The following CFAP161 variants were observed in gnomAD, a reference collection of about 807,000 sequenced individuals.
The protein encoded by CFAP161 is cilia- and flagella-associated protein 161.
CFAP161 carries 25 observed loss-of-function variants against 29.0 expected under a neutral mutation model. The ratio of observed to expected loss-of-function variants is 0.86; its 90% confidence interval spans 0.63 to 1.20. The LOEUF is 1.20. CFAP161 is among the 50% of genes most tolerant of loss of function. CFAP161 has a pLI of 0.00. For missense variants in CFAP161, 367 were observed against 371.9 expected (o/e 0.99, Z 0.11); for synonymous variants, 116 against 137.4 (o/e 0.84, Z 1.09).
intron 1 of CFAP161, among the ~76,000 whole-genome samples, chr15:81,105,138 CCCCTCCCTCCCTCCCT>C (rs1231871114): frequency 3.9e-5 from 1 of 25,882 alleles, no homozygotes; most frequent in South Asian, 1.8e-3. Context: ...TCTCCCCCCT[CCCCTCCCTCCCTCCCT>C]CCCTCCCTTC....
At chr15:81,144,848 G>A (rs947651178) in intron 5 of CFAP161, among the ~76,000 whole-genome samples, 1 of 151,944 alleles carries the variant, frequency 6.6e-6, no homozygotes, top group Non-Finnish European at 1.5e-5. Flanking sequence ...GAGACAGCAG[G>A]GTAGCCACAT....
Position 81,148,710 on chromosome 15 carries a change from G to C in CFAP161, c.*177G>C. 1.9e-6 allele frequency: 1 copy of C among 540,120 alleles called. No homozygotes were observed. Among genetic ancestry groups the C allele is most frequent in the Non-Finnish European group, 3.0e-6 (1 of 333,898 alleles). The allele number at this position is 540,120 out of a possible 1,614,324, so 33.5% of individuals were successfully genotyped here. ...ATTGAATTTGTGGTGGGAGTCTAGG[G>C]CTGAAGAAAAACAGCTCTGGAGAAT... On this transcript the variant is annotated 3_prime_UTR_variant, in exon 7 of 7. Coordinates refer to ENST00000286732, the MANE Select transcript of CFAP161 (RefSeq NM_173528.4).
chr15:81,132,919 A>G (rs1363551528), upstream of CFAP161, among the ~76,000 whole-genome samples: 1 of 152,068 alleles, frequency 6.6e-6, no homozygotes, highest in East Asian at 1.9e-4. Flanking sequence ...TTAGTGGTAT[A>G]CTATCTGATC....
intron 5 of CFAP161, among the ~76,000 whole-genome samples, chr15:81,144,646 G>A (rs922932699): frequency 3.3e-5 from 5 of 151,978 alleles, no homozygotes; most frequent in Non-Finnish European, 7.4e-5. Context: ...TATTAGCCAG[G>A]TGTGGTGGTG....
In CFAP161 at chr15:81,134,363, A is replaced by G. The variant is rs772011865; in HGVS notation, c.34A>G (p.Ile12Val). The stretch of plus-strand genomic sequence containing the variant: ...GAACGTGTATGGTCCGGGAGTCCGG[A>G]TAGGCAACTGGAATGAGGATGTCTA... ...AQNVYGPGVRIGNWNEDVYLE... is the reference protein window; with the variant it reads ...AQNVYGPGVRVGNWNEDVYLE... The change falls in exon 1 of 7, where the codon ATA becomes GTA. Residue 12 changes from isoleucine to valine, a missense_variant. Coordinates refer to ENST00000286732, the MANE Select transcript of CFAP161 (RefSeq NM_173528.4). 13 of 1,591,506 alleles carry G rather than the reference A, an allele frequency of 8.2e-6. No homozygotes were observed. Among genetic ancestry groups the G allele is most frequent in the Admixed American group, 1.8e-5 (1 of 55,314 alleles).
chr15:81,107,668 C>T lies in CFAP161; in HGVS notation c.-141-19922C>T, dbSNP rs568564933. On this transcript the variant is annotated intron_variant, in intron 1 of 4. Transcript: ENST00000560091. Reference sequence around the variant, plus strand: ...TGAACCCAGGAGGCGGAGGTTGTGGCGAGCCGAGATCATGCCATTGCACTC... The same window carrying T: ...TGAACCCAGGAGGCGGAGGTTGTGGTGAGCCGAGATCATGCCATTGCACTC... 7.8e-3 allele frequency among the ~76,000 whole-genome samples: 1,189 copies of T among 152,050 alleles called. 16 individuals carry two copies. Among genetic ancestry groups the T allele is most frequent in the African/African-American group, 0.025 (1,029 of 41,462 alleles).
At chr15:81,109,686 AGG>A (rs1894417308) in intron 1 of CFAP161, among the ~76,000 whole-genome samples, 1 of 152,328 alleles carries the variant, frequency 6.6e-6, no homozygotes, top group South Asian at 2.1e-4. Context: ...CCTAGATGAC[AGG>A]GTAAGACCTT....
chr15:81,116,257 T>C (rs1259510831), intron 1 of CFAP161, among the ~76,000 whole-genome samples: 1 of 152,186 alleles, frequency 6.6e-6, no homozygotes, highest in Non-Finnish European at 1.5e-5. Flanking sequence ...AGTCTCATTA[T>C]GTTATGGAGT....
chr15:81,100,831 C>A (rs558693006), intron 1 of CFAP161, among the ~76,000 whole-genome samples: 2 of 152,208 alleles, frequency 1.3e-5, no homozygotes, highest in Non-Finnish European at 1.5e-5. Context: ...AGCCACCATG[C>A]CTGGCCCCAG....
chr15:81,134,254 G>A, upstream of CFAP161: 1 of 1,517,990 alleles, frequency 6.6e-7, no homozygotes, highest in Non-Finnish European at 8.9e-7. Context: ...ATCGCCTGGG[G>A]CCGGGTCGTC....
chr15:81,104,329 G>A (rs1334502216), intron 1 of CFAP161, among the ~76,000 whole-genome samples: 4 of 152,224 alleles, frequency 2.6e-5, no homozygotes. Flanking sequence ...TCCCTCTAGT[G>A]CAGTGAAGCT....
chr15:81,119,147 A>T (rs375859767), intron 1 of CFAP161, among the ~76,000 whole-genome samples: 2 of 152,346 alleles, frequency 1.3e-5, no homozygotes, highest in African/African-American at 4.8e-5. Flanking sequence ...TTTCCATGAA[A>T]AGCAATTTTA....
chr15:81,134,747 G>C (rs1894778733), intron 1 of CFAP161, among the ~76,000 whole-genome samples: 1 of 152,152 alleles, frequency 6.6e-6, no homozygotes, highest in South Asian at 2.1e-4. Flanking sequence ...CTCAGGCTGC[G>C]GGCCAGGTGA....
At position 81,116,085 on chromosome 15, in the gene CFAP161, A is replaced by T. The variant is rs78219020; in HGVS notation, c.-141-11505A>T. Among the ~76,000 whole-genome samples, 906 of 152,312 alleles carry T rather than the reference A, an allele frequency of 5.9e-3. 13 individuals are homozygous for T. The highest frequency in any genetic ancestry group is 0.02 in the African/African-American group (827 of 41,548). On this transcript the variant is annotated intron_variant, in intron 1 of 4. Coordinates refer to the CFAP161 transcript ENST00000560091. ...TCCAGAGAAGAATGTGTTTAGGTAC[A>T]GCATGTAGTATTAGCAACAGTACAG...
Position 81,111,025 on chromosome 15 carries a change from A to G in CFAP161, c.-141-16565A>G, listed in dbSNP as rs146121956. ...AGGAATACGTGCCTTTGATCAGATG[A>G]GCTATTAAAAAATGATTATGTAGTT... On this transcript the variant is annotated intron_variant, in intron 1 of 4. Coordinates refer to the CFAP161 transcript ENST00000560091. Among the ~76,000 whole-genome samples the G allele has an allele frequency of 8.2e-3, 1,246 of 152,348 alleles. 13 individuals are homozygous for G. Among genetic ancestry groups the G allele is most frequent in the Non-Finnish European group, 0.01 (685 of 68,040 alleles).
chr15:81,104,125 C>T (rs1427141499), intron 1 of CFAP161, among the ~76,000 whole-genome samples: 1 of 152,166 alleles, frequency 6.6e-6, no homozygotes, highest in Non-Finnish European at 1.5e-5. Flanking sequence ...AGCTGGTTGT[C>T]AAGTGCTTTT....
chr15:81,103,600 C>T (rs994938898), intron 1 of CFAP161, among the ~76,000 whole-genome samples: 2 of 152,224 alleles, frequency 1.3e-5, no homozygotes, highest in Admixed American at 6.5e-5. Context: ...CGCCGCGTCC[C>T]GTCCCCCATA....
chr15:81,105,112 TTCTCCCCCATACCTTTCTCC>T (rs1894347890), intron 1 of CFAP161, among the ~76,000 whole-genome samples: 1 of 22,160 alleles, frequency 4.5e-5, no homozygotes, highest in Non-Finnish European at 1.6e-4. Context: ...CTCCCTTCCT[TTCTCCCCCATACCTTTCTCC>T]CCCCTCCCCT....
Position 81,148,947 on chromosome 15 carries a change from T to G in CFAP161, c.*414T>G, listed in dbSNP as rs1048107855. On this transcript the variant is annotated 3_prime_UTR_variant, in exon 7 of 7. Transcript: ENST00000286732. ...TACTAAAACACAAAAAACTGACAGC[T>G]CTGAGCTGTGGCCTTACCTTGGAAT... 1 of 154,096 alleles carries G rather than the reference T, an allele frequency of 6.5e-6. No individual in the cohort carries two copies. Among genetic ancestry groups the G allele is most frequent in the African/African-American group, 2.4e-5 (1 of 41,514 alleles). The allele number at this position is 154,096 out of a possible 1,614,324, so 9.5% of individuals were successfully genotyped here.
Sources: allele counts gnomAD v4.1 joint callset (sites outside exome capture counted in the v4.1 genomes callset), GRCh38; gene constraint gnomAD v4.1.1; transcripts MANE v1.5; gene names NCBI Gene and HGNC (gene_info 2026-07-23, HGNC 2026-07-21).